PIK3R2: variants seen among roughly 807,000 people sequenced by gnomAD.
The protein encoded by PIK3R2 is phosphatidylinositol 3-kinase regulatory subunit beta.
In PIK3R2, 40 loss-of-function variants were observed where a neutral mutation model predicts 78.5. The ratio of observed to expected loss-of-function variants is 0.51; its 90% CI spans 0.40 to 0.66. The LOEUF (loss-of-function observed/expected upper bound fraction) is 0.66, where lower values mean the gene tolerates loss of function less well. PIK3R2 is among the 30% of genes least tolerant of loss of function. The pLI is 0.00. For missense variants in PIK3R2, 880 were observed against 1,026.6 expected, an observed-to-expected ratio of 0.86 and a Z score of 1.95; for synonymous variants, 473 against 457.7, an observed-to-expected ratio of 1.03 and a Z score of -0.43.
intron 12 of PIK3R2, 90 bp downstream of exon 12, chr19:18,166,392 C>G (rs2043811244): frequency 6.2e-6 from 7 of 1,127,070 alleles, no homozygotes; most frequent in Non-Finnish European, 9.1e-6. Context: ...AGGCCAGCCA[C>G]TTGGAGGCAA....
chr19:18,166,582 G>A (rs891109624), intron 12 of PIK3R2, among the ~76,000 whole-genome samples: 2 of 151,914 alleles, frequency 1.3e-5, no homozygotes, highest in South Asian at 2.1e-4. Flanking sequence ...ATGATGGTGC[G>A]CACCTGTAGT....
chr19:18,167,371 CTAG>C lies in PIK3R2; in HGVS notation c.1736+66_1736+68del. On this transcript the variant is annotated intron_variant, in intron 13 of 15. Coordinates refer to ENST00000222254, the MANE Select transcript of PIK3R2 (RefSeq NM_005027.4). The surrounding 1 kb of genome is among the most constrained non-coding windows in gnomAD (Gnocchi z 4.5). ...ACTGCTGCGGCACATGGAGATCTCTCTAGGAGTCTCAGTCTCTCTCTCTCCACC... is the reference window on the plus strand; with the variant it reads ...ACTGCTGCGGCACATGGAGATCTCTCGAGTCTCAGTCTCTCTCTCTCCACC... 7.4e-7 allele frequency: 1 copy of C among 1,347,260 alleles called. No homozygotes were observed. Among genetic ancestry groups the C allele is most frequent in the Non-Finnish European group, 1.0e-6 (1 of 1,001,072 alleles). The allele number at this position is 1,347,260 out of a possible 1,614,324, so 83.5% of individuals were successfully genotyped here.
At position 18,161,447 on chromosome 19, in the gene PIK3R2, G is replaced by A; in HGVS notation, c.767G>A (p.Arg256His). Residue 256 changes from arginine (R) to histidine (H), a missense_variant, in exon 6 of 16, where the codon CGC becomes CAC. By Grantham distance (29) the Arg-to-His change is conservative. Coordinates refer to ENST00000222254, the MANE Select transcript of PIK3R2 (RefSeq NM_005027.4). The surrounding 1 kb of genome is among the most constrained non-coding windows in gnomAD (Gnocchi z 5.3). ...GCCACCTTTGGGCCGCTGCTGCTGC[G>A]CGCGCCGCCGCCGCCGTCCTCGCCG... is the stretch of plus-strand genomic sequence containing the variant. ...LGATFGPLLL[R>H]APPPPSSPPP... 1 of 1,205,726 alleles carries A rather than the reference G, an allele frequency of 8.3e-7. No individual in the cohort carries two copies. The allele number at this position is 1,205,726 out of a possible 1,614,324, so 74.7% of individuals were successfully genotyped here. A position where few individuals can be genotyped will look rare whatever the true frequency, so the allele number is the denominator to read the frequency against.
At position 18,167,589 on chromosome 19, in the gene PIK3R2, C is replaced by T. The variant is rs945144918; in HGVS notation, c.1736+283C>T. ...TCCTGCTGGGCTGGGCGCAATGGCT[C>T]ACACCTGTAATCCCAGCACTTTGGG... On this transcript the variant is annotated intron_variant, in intron 13 of 15. Transcript: ENST00000222254. This position sits in a 1 kb window ranked among gnomAD's most constrained non-coding sequence, Gnocchi z 4.5. Among the ~76,000 whole-genome samples the T allele has an allele frequency of 6.6e-6, 1 of 152,156 alleles. No individual in the cohort carries two copies. The highest frequency in any genetic ancestry group is 6.5e-5 in the Admixed American group (1 of 15,268).
chr19:18,154,426 AG>A (rs958068465), intron 1 of PIK3R2, among the ~76,000 whole-genome samples: 1 of 152,106 alleles, frequency 6.6e-6, no homozygotes. Context: ...TCTGGGCCCC[AG>A]GCTGGAGCTA....
At chr19:18,160,720 C>T (rs1001083070) in intron 3 of PIK3R2, 157 bp downstream of exon 3, 1 of 853,754 alleles carries the variant, frequency 1.2e-6, no homozygotes, top group Admixed American at 2.1e-5. Flanking sequence ...CAGAGTGACT[C>T]CTAAGGGAAG....
rs1265327831 is a variant in PIK3R2 at position 18,161,460 on chromosome 19, G to A, written c.780G>A (p.Pro260=). 18 of 1,198,542 alleles carry A rather than the reference G, an allele frequency of 1.5e-5. No homozygotes were observed. The highest frequency in any genetic ancestry group is 1.9e-5 in the Non-Finnish European group (18 of 967,272). The allele number at this position is 1,198,542 out of a possible 1,614,324, so 74.2% of individuals were successfully genotyped here. ...CGCTGCTGCTGCGCGCGCCGCCGCC[G>A]CCGTCCTCGCCGCCGCCAGGGGGCG... ...FGPLLLRAPP[P]PSSPPPGGAP... Residue 260 remains proline, a synonymous_variant, in exon 6 of 16, where the codon CCG becomes CCA. Transcript: ENST00000222254. The surrounding 1 kb of genome is among the most constrained non-coding windows in gnomAD (Gnocchi z 5.3).
At position 18,169,466 on chromosome 19, in the gene PIK3R2, T is replaced by C; in HGVS notation, c.*172T>C. The C allele has an allele frequency of 2.8e-6, 1 of 362,400 alleles. No individual in the cohort carries two copies. The highest frequency in any genetic ancestry group is 4.9e-6 in the Non-Finnish European group (1 of 202,048). 22.4% of individuals were successfully genotyped at this position (362,400 alleles called of 1,614,324 possible). Reference sequence around the variant, plus strand: ...TTCTCTTTCCTTCCCTCCCCCATTCTCCAGATCTCCCTCTGTCTCCTTTTC... The same window carrying C: ...TTCTCTTTCCTTCCCTCCCCCATTCCCCAGATCTCCCTCTGTCTCCTTTTC... On this transcript the variant is annotated 3_prime_UTR_variant, in exon 16 of 16. Coordinates refer to ENST00000222254, the MANE Select transcript of PIK3R2 (RefSeq NM_005027.4).
At chr19:18,155,196 CAAAAAAAAAAAA>C (rs34249019) in intron 1 of PIK3R2, among the ~76,000 whole-genome samples, 4 of 109,306 alleles carry the variant, frequency 3.7e-5, no homozygotes, top group African/African-American at 1.5e-4. Context: ...GACTCTATCT[CAAAAAAAAAAAA>C]AAAAAAAACT....
chr19:18,159,899 G>A (rs1303321979), intron 2 of PIK3R2, among the ~76,000 whole-genome samples: 9 of 149,666 alleles, frequency 6.0e-5, no homozygotes, highest in African/African-American at 2.0e-4. Context: ...CCACCACCAC[G>A]CCCAGCTAAT....
In PIK3R2 at chr19:18,162,958, C is replaced by A. The variant is rs2147952759; in HGVS notation, c.1110-9C>A. The A allele has an allele frequency of 6.2e-7, 1 of 1,612,222 alleles. No individual in the cohort carries two copies. The highest frequency in any genetic ancestry group is 8.5e-7 in the Non-Finnish European group (1 of 1,178,798). ...CCCACTGGGTGCCGACACCCCTCTC[C>A]TCCCCCAGGAAAGGCGGGAACAATA... On this transcript the variant is annotated splice_polypyrimidine_tract_variant and intron_variant, in intron 9 of 15. Coordinates refer to ENST00000222254, the MANE Select transcript of PIK3R2 (RefSeq NM_005027.4).
intron 3 of PIK3R2, 66 bp downstream of exon 3, chr19:18,160,629 C>T (rs2043732035): frequency 7.9e-7 from 1 of 1,269,020 alleles, no homozygotes; most frequent in Admixed American, 1.9e-5. Flanking sequence ...GGCGACTCAT[C>T]CTCTCACAGG....
At position 18,168,926 on chromosome 19, in the gene PIK3R2, G is replaced by T. The variant is rs200019666; in HGVS notation, c.1979+30G>T. On this transcript the variant is annotated intron_variant, in intron 15 of 15. Transcript: ENST00000222254. This position sits in a 1 kb window ranked among gnomAD's most constrained non-coding sequence, Gnocchi z 4.1. Reference sequence around the variant, plus strand: ...GTGGACCGCAGCGGTGGGGATTCCCGCGTCCCTCCCAGAGCTCTCATTGAA... The same window carrying T: ...GTGGACCGCAGCGGTGGGGATTCCCTCGTCCCTCCCAGAGCTCTCATTGAA... 2 of 1,598,266 alleles carry T rather than the reference G, an allele frequency of 1.3e-6. No homozygotes were observed. The highest frequency in any genetic ancestry group is 1.7e-6 in the Non-Finnish European group (2 of 1,172,090).
chr19:18,166,716 A>G (rs2043814298), intron 12 of PIK3R2, among the ~76,000 whole-genome samples: 1 of 151,544 alleles, frequency 6.6e-6, no homozygotes. Context: ...TCAAAAAAAA[A>G]AAAAAAAAAG....
chr19:18,155,750 C>T lies in PIK3R2; in HGVS notation c.-130C>T. On this transcript the variant is annotated 5_prime_UTR_variant, in exon 2 of 16. Transcript: ENST00000222254. ...GAGCGGCCCCTGTGGTCGCCTGTGA[C>T]TGCTGGAGATAGAGGTCCCAGCACC... 1 of 739,110 alleles carries T rather than the reference C, an allele frequency of 1.4e-6. No individual in the cohort carries two copies. The highest frequency in any genetic ancestry group is 2.1e-6 in the Non-Finnish European group (1 of 469,734). 45.8% of individuals were successfully genotyped at this position (739,110 alleles called of 1,614,324 possible).
chr19:18,162,905 G>A lies in PIK3R2; in HGVS notation c.1110-62G>A, dbSNP rs1432929110. The A allele has an allele frequency of 1.0e-5, 15 of 1,480,422 alleles. No homozygotes were observed. In the East Asian group the frequency reaches 2.3e-4, roughly 23 times the overall value. 91.7% of individuals were successfully genotyped at this position (1,480,422 alleles called of 1,614,324 possible). ...AAGACTCTGTCTCAAAAAAAAAGGG[G>A]ACAGGGATTGAGGGTCAGGTGCGGG... On this transcript the variant is annotated intron_variant, in intron 9 of 15. Transcript: ENST00000222254.
At chr19:18,162,724 A>G (rs2043762975) in intron 9 of PIK3R2, 2 of 605,734 alleles carry the variant, frequency 3.3e-6, no homozygotes, top group East Asian at 2.8e-5. Context: ...TCTCTACTAA[A>G]AAATTAAAAA....
At chr19:18,163,989 T>C (rs1463928456) in intron 11 of PIK3R2, among the ~76,000 whole-genome samples, 1 of 151,768 alleles carries the variant, frequency 6.6e-6, no homozygotes, top group African/African-American at 2.4e-5. Flanking sequence ...TAGCTGGGCA[T>C]GGTGGCGGAC....
chr19:18,163,251 A>G lies in PIK3R2; in HGVS notation c.1291-12A>G, dbSNP rs1568637188. On this transcript the variant is annotated splice_polypyrimidine_tract_variant and intron_variant, in intron 10 of 15. Coordinates refer to ENST00000222254, the MANE Select transcript of PIK3R2 (RefSeq NM_005027.4). Reference sequence around the variant, plus strand: ...GCTATGCATCTCCCCTCATTCCGCCACGTATCTCCAGGACCAGATTGTCAA... The same window carrying G: ...GCTATGCATCTCCCCTCATTCCGCCGCGTATCTCCAGGACCAGATTGTCAA... 1.2e-6 allele frequency: 2 copies of G among 1,614,070 alleles called. No homozygotes were observed. The highest frequency in any genetic ancestry group is 1.7e-6 in the Non-Finnish European group (2 of 1,180,006).
Sources: allele counts gnomAD v4.1 joint callset (sites outside exome capture counted in the v4.1 genomes callset), GRCh38; gene constraint gnomAD v4.1.1; non-coding constraint Gnocchi (gnomAD v3.1); transcripts MANE v1.5; gene names NCBI Gene and HGNC (gene_info 2026-07-23, HGNC 2026-07-21).